SPON1: variants seen among roughly 807,000 people sequenced by gnomAD.
The protein encoded by SPON1 is spondin-1.
Under a neutral mutation model 111.7 loss-of-function variants are expected in SPON1, and 52 were observed. The observed-to-expected ratio is 0.47, with a 90% CI of 0.37 to 0.59. The LOEUF (loss-of-function observed/expected upper bound fraction) is 0.59. Ranked by LOEUF, SPON1 falls within the 20% of genes least tolerant of loss-of-function variation. The pLI is 0.00. For synonymous variants in SPON1, 410 were observed against 395.8 expected (o/e 1.04, Z -0.43); for missense variants, 957 against 1,068.5 (o/e 0.90, Z 1.46).
intron 6 of SPON1, among the ~76,000 whole-genome samples, chr11:14,166,191 A>T (rs1040516488): frequency 5.3e-5 from 8 of 152,216 alleles, no homozygotes; most frequent in African/African-American, 1.7e-4. Context: ...AGCCTTGGTA[A>T]AATAACCAGT....
chr11:14,075,187 G>T (rs1848907356), intron 3 of SPON1, among the ~76,000 whole-genome samples, 158 bp from the exon 4 acceptor site: 1 of 152,050 alleles, frequency 6.6e-6, no homozygotes, highest in African/African-American at 2.4e-5. Context: ...ACCCCATAAA[G>T]CAGGTATTGC....
intron 6 of SPON1, among the ~76,000 whole-genome samples, chr11:14,193,657 G>T (rs1163701332): frequency 6.6e-6 from 1 of 152,206 alleles, no homozygotes; most frequent in African/African-American, 2.4e-5. Flanking sequence ...TTCCCTCTCT[G>T]GCCCTCCTCA....
At chr11:14,035,614 C>A (rs1328054631) in intron 2 of SPON1, among the ~76,000 whole-genome samples, 2 of 132,266 alleles carry the variant, frequency 1.5e-5, no homozygotes, top group African/African-American at 2.9e-5. Context: ...ACACTTAGTT[C>A]TTTTTTTTTT....
chr11:14,107,958 C>G (rs1476511699), intron 5 of SPON1, among the ~76,000 whole-genome samples: 1 of 152,158 alleles, frequency 6.6e-6, no homozygotes, highest in Admixed American at 6.5e-5. Flanking sequence ...CTTAACGTGT[C>G]TGTGCCTCAG....
At position 14,001,772 on chromosome 11, in the gene SPON1, A is replaced by G. The variant is rs150317457; in HGVS notation, c.345+18819A>G. Among the ~76,000 whole-genome samples, 5 of 152,362 alleles carry G rather than the reference A, an allele frequency of 3.3e-5. No individual in the cohort carries two copies. In the East Asian group the frequency reaches 9.6e-4, roughly 29 times the overall value. On this transcript the variant is annotated intron_variant, in intron 2 of 15. Coordinates refer to ENST00000576479, the MANE Select transcript of SPON1 (RefSeq NM_006108.4). The stretch of plus-strand genomic sequence containing the variant: ...TGAGAAGAAAGAATGACAAACAAAC[A>G]TAATAACCAAGAACTGCAGGAAAAT...
chr11:14,047,138 TAATG>T (rs1453011918), intron 3 of SPON1, among the ~76,000 whole-genome samples: 3 of 152,150 alleles, frequency 2.0e-5, no homozygotes, highest in Non-Finnish European at 2.9e-5. Context: ...TATCTTAAAA[TAATG>T]AATATATATA....
Position 14,259,897 on chromosome 11 carries a change from T to G in SPON1, c.1831+196T>G, listed in dbSNP as rs1461602023. ...TCAACCAGACCCAGAGAGAGTAACC[T>G]CCACTGGGGGACATTCTAAGCAATG... On this transcript the variant is annotated intron_variant, in intron 13 of 15. Transcript: ENST00000576479. The surrounding 1 kb of genome is among the most constrained non-coding windows in gnomAD (Gnocchi z 5.0). Among the ~76,000 whole-genome samples the G allele has an allele frequency of 1.3e-5, 2 of 152,118 alleles. No individual in the cohort carries two copies. Among genetic ancestry groups the G allele is most frequent in the Admixed American group, 6.5e-5 (1 of 15,284 alleles).
At chr11:14,173,844 T>C (rs1161914311) in intron 6 of SPON1, among the ~76,000 whole-genome samples, 1 of 152,128 alleles carries the variant, frequency 6.6e-6, no homozygotes, top group Non-Finnish European at 1.5e-5. Flanking sequence ...CTGATCGTTC[T>C]TCTAGAAGTT....
Position 13,962,933 on chromosome 11 carries a change from T to C in SPON1, c.29T>C (p.Leu10Pro). ...AGGCTGTCCCCGGCGCCCCTGAAGC[T>C]GAGCCGGACTCCGGCACTGCTGGCC... Reference protein sequence around the residue: MRLSPAPLKLSRTPALLALA... With the variant: MRLSPAPLKPSRTPALLALA... The change falls in exon 1 of 16, where the codon CTG becomes CCG. Residue 10 changes from leucine (L) to proline (P), a missense_variant. By Grantham distance (98) the Leu-to-Pro change is moderately conservative (BLOSUM62 -3). Transcript: ENST00000576479. 1 of 1,569,186 alleles carries C rather than the reference T, an allele frequency of 6.4e-7. No individual in the cohort carries two copies. Among genetic ancestry groups the C allele is most frequent in the South Asian group, 1.2e-5 (1 of 84,976 alleles).
chr11:14,192,105 A>G (rs1051751548), intron 6 of SPON1, among the ~76,000 whole-genome samples: 4 of 152,210 alleles, frequency 2.6e-5, no homozygotes, highest in Admixed American at 1.3e-4. Flanking sequence ...TGAAAACAGA[A>G]TAACATTAGC....
chr11:13,992,816 T>C (rs1325879314), intron 2 of SPON1, among the ~76,000 whole-genome samples: 13 of 151,942 alleles, frequency 8.6e-5, no homozygotes, highest in African/African-American at 1.9e-4. Flanking sequence ...GAAAATTCCC[T>C]GACCCCTTGC....
chr11:14,111,212 A>G (rs1269492611), intron 5 of SPON1, among the ~76,000 whole-genome samples: 2 of 152,238 alleles, frequency 1.3e-5, no homozygotes, highest in East Asian at 3.8e-4. Context: ...AGTATCTTCA[A>G]GATACCACAT....
At position 14,051,092 on chromosome 11, in the gene SPON1, C is replaced by T. The variant is rs369104636; in HGVS notation, c.479+9438C>T. On this transcript the variant is annotated intron_variant, in intron 3 of 15. Transcript: ENST00000576479. ...GGATGTGAAGAGGGGTGTAGAGTTG[C>T]CTATTATGGTCTGAATATTTTGTGT... Among the ~76,000 whole-genome samples, 10 of 152,160 alleles carry T rather than the reference C, an allele frequency of 6.6e-5. No homozygotes were observed. The East Asian group carries it at 9.7e-4, about 15-fold the overall frequency.
At chr11:14,107,794 C>T (rs1849196895) in intron 5 of SPON1, among the ~76,000 whole-genome samples, 1 of 152,118 alleles carries the variant, frequency 6.6e-6, no homozygotes, top group Admixed American at 6.6e-5. Flanking sequence ...TTCTTTTGCA[C>T]CTTGCAGCTC....
At chr11:13,983,170 G>A (rs895852944) in intron 2 of SPON1, among the ~76,000 whole-genome samples, 11 of 152,284 alleles carry the variant, frequency 7.2e-5, no homozygotes, top group Non-Finnish European at 1.5e-4. Flanking sequence ...TGTCTCAGCA[G>A]ATCACGGGGC....
chr11:14,090,824 G>C (rs67322525), intron 5 of SPON1, among the ~76,000 whole-genome samples: 2,198 of 45,422 alleles, frequency 0.048, 184 homozygotes, highest in East Asian at 0.19. Context: ...CTCTTATCTG[G>C]CCCCCCCCCC....
At chr11:14,120,902 GT>G (rs1318108209) in intron 5 of SPON1, among the ~76,000 whole-genome samples, 26 of 152,114 alleles carry the variant, frequency 1.7e-4, no homozygotes, top group Non-Finnish European at 2.5e-4. Flanking sequence ...AATTTACATA[GT>G]TTGTTCAAGA....
At chr11:14,194,121 C>G (rs1420420331) in intron 6 of SPON1, among the ~76,000 whole-genome samples, 1 of 152,138 alleles carries the variant, frequency 6.6e-6, no homozygotes, top group Non-Finnish European at 1.5e-5. Context: ...TGGTTCTAGC[C>G]CTTTTGGTTC....
intron 6 of SPON1, among the ~76,000 whole-genome samples, chr11:14,216,008 G>A (rs898584975): frequency 1.3e-5 from 2 of 152,200 alleles, no homozygotes; most frequent in Non-Finnish European, 1.5e-5. Flanking sequence ...ACACCTGTCT[G>A]TAAGTTATTG....
Sources: gnomAD v4.1 joint callset for allele counts (sites outside exome capture counted in the v4.1 genomes callset) on GRCh38, gnomAD v4.1.1 for gene constraint, Gnocchi (gnomAD v3.1) non-coding constraint, MANE v1.5 for transcripts, NCBI Gene and HGNC (gene_info 2026-07-23, HGNC 2026-07-21) for gene names.